The following PMFBP1 variants were observed in gnomAD, a reference collection of about 807,000 sequenced individuals.
The protein encoded by PMFBP1 is polyamine modulated factor 1 binding protein 1, also known as polyamine-modulated factor 1-binding protein 1.
PMFBP1 carries 131 observed loss-of-function variants against 137.8 expected under a neutral mutation model. The observed-to-expected ratio is 0.95, with a 90% CI of 0.82 to 1.10. The LOEUF (loss-of-function observed/expected upper bound fraction) is 1.10, where lower values mean the gene tolerates loss of function less well. PMFBP1 is among the 50% of genes least tolerant of loss of function. The probability of loss-of-function intolerance (pLI) is 0.00; values close to 1 mark genes in which losing one functional copy is unlikely to be tolerated. For synonymous variants in PMFBP1, 490 were observed against 450.4 expected (o/e 1.09, Z -1.11); for missense variants, 1,199 against 1,175.4 (o/e 1.02, Z -0.29).
At chr16:72,244,329 T>C in the PMFBP1 span, among the ~76,000 whole-genome samples, 43 of 152,308 alleles carry the variant, frequency 2.8e-4, no homozygotes, top group African/African-American at 1.0e-3. Flanking sequence ...AGAGGAAAGC[T>C]TCATTCCCAG....
In PMFBP1 at chr16:72,119,320, C is replaced by T; in HGVS notation, c.*18G>A. On this transcript the variant is annotated 3_prime_UTR_variant, in exon 21 of 21. Transcript: ENST00000237353. ...AAGAAACACCCGTGGAAATGCTGCT[C>T]AGGGCTAGATGTGGATTCTAGCAGT... is the stretch of plus-strand genomic sequence containing the variant. 1.2e-6 allele frequency: 2 copies of T among 1,612,716 alleles called. No homozygotes were observed. Among genetic ancestry groups the T allele is most frequent in the Non-Finnish European group, 1.7e-6 (2 of 1,178,742 alleles).
the PMFBP1 span, among the ~76,000 whole-genome samples, chr16:72,243,594 T>C: frequency 4.6e-5 from 7 of 152,312 alleles, no homozygotes; most frequent in African/African-American, 1.7e-4. Context: ...CCCCTCTTTT[T>C]GCCCCTCTTA....
chr16:72,135,763 T>G (rs1269803723), intron 9 of PMFBP1, among the ~76,000 whole-genome samples: 2 of 145,924 alleles, frequency 1.4e-5, no homozygotes, highest in Non-Finnish European at 3.0e-5. Context: ...TTTTTTTTTT[T>G]TGAGACAGGG....
chr16:72,152,360 C>T (rs1311871121), intron 4 of PMFBP1, among the ~76,000 whole-genome samples: 1 of 152,160 alleles, frequency 6.6e-6, no homozygotes, highest in African/African-American at 2.4e-5. Flanking sequence ...CTGGGGGCAG[C>T]AATGCACCTC....
chr16:72,124,751 G>C lies in PMFBP1; in HGVS notation c.2589+16C>G. On this transcript the variant is annotated intron_variant, in intron 17 of 20. Transcript: ENST00000237353. ...AGGCACTGAGAGGAGGCACGCAGAA[G>C]CCAAGGCATGCCCACCTCCTTATCG... The C allele has an allele frequency of 6.2e-7, 1 of 1,610,648 alleles. No homozygotes were observed. The highest frequency in any genetic ancestry group is 8.5e-7 in the Non-Finnish European group (1 of 1,177,842).
chr16:72,186,671 G>T, the PMFBP1 span, among the ~76,000 whole-genome samples: 4 of 152,196 alleles, frequency 2.6e-5, no homozygotes, highest in Non-Finnish European at 5.9e-5. Context: ...AGCTAGACAG[G>T]AGTTAGGAGA....
intron 15 of PMFBP1, 152 bp downstream of exon 15, chr16:72,125,816 G>A (rs931767897): frequency 2.0e-6 from 2 of 984,194 alleles, no homozygotes; most frequent in Non-Finnish European, 2.9e-6. Flanking sequence ...GAGGAAGCAG[G>A]CCTTCTCTGC....
At chr16:72,164,426 G>A (rs1567641435) in intron 3 of PMFBP1, 1 of 1,328,908 alleles carries the variant, frequency 7.5e-7, no homozygotes, top group Non-Finnish European at 9.8e-7. Flanking sequence ...GTTTGTCTGA[G>A]ATCCATAGCA....
In PMFBP1 at chr16:72,171,302, T is replaced by C. The variant is rs568680055; in HGVS notation, c.-60-34A>G. ...GTCCAAGTATTTAAGATGGAAAAAG[T>C]ATAAATGAGCCTCTGCCCTTTAAAG... On this transcript the variant is annotated intron_variant, in intron 1 of 20. Coordinates refer to ENST00000237353, the MANE Select transcript of PMFBP1 (RefSeq NM_031293.3). 2.8e-4 allele frequency: 388 copies of C among 1,384,750 alleles called. 25 individuals carry two copies. In the South Asian group the frequency reaches 4.5e-3, roughly 16 times the overall value. 85.8% of individuals were successfully genotyped at this position (1,384,750 alleles called of 1,614,324 possible).
At chr16:72,179,344 A>G (rs1218794295), upstream of PMFBP1, among the ~76,000 whole-genome samples, 2 of 152,200 alleles carry the variant, frequency 1.3e-5, no homozygotes, top group East Asian at 3.8e-4. Flanking sequence ...AATTTCCACA[A>G]GAGCAACATT....
chr16:72,121,471 T>G (rs1452160264), intron 19 of PMFBP1, among the ~76,000 whole-genome samples: 1 of 152,206 alleles, frequency 6.6e-6, no homozygotes, highest in Non-Finnish European at 1.5e-5. Flanking sequence ...AACTCAGCCA[T>G]GTACCTAAGG....
chr16:72,207,421 C>A, the PMFBP1 span, among the ~76,000 whole-genome samples: 2 of 152,036 alleles, frequency 1.3e-5, no homozygotes, highest in African/African-American at 4.8e-5. Context: ...AATATTCAGA[C>A]CCACTGAATT....
intron 2 of PMFBP1, among the ~76,000 whole-genome samples, chr16:72,165,948 G>C (rs1479368685): frequency 1.3e-5 from 2 of 152,148 alleles, no homozygotes; most frequent in Non-Finnish European, 1.5e-5. Context: ...ATCACTCCAG[G>C]ATGCCACCTC....
At chr16:72,214,860 G>C in the PMFBP1 span, among the ~76,000 whole-genome samples, 3 of 151,960 alleles carry the variant, frequency 2.0e-5, no homozygotes, top group Admixed American at 6.6e-5. Flanking sequence ...GTATCTAAAA[G>C]GTTCAAAAAG....
At chr16:72,248,413 A>T in the PMFBP1 span, among the ~76,000 whole-genome samples, 1 of 152,346 alleles carries the variant, frequency 6.6e-6, no homozygotes, top group South Asian at 2.1e-4. Flanking sequence ...CAAAGCAATG[A>T]TATGGACCTG....
At chr16:72,147,743 T>C (rs1008638338) in intron 5 of PMFBP1, among the ~76,000 whole-genome samples, 1 of 152,026 alleles carries the variant, frequency 6.6e-6, no homozygotes, top group Admixed American at 6.6e-5. Context: ...AAGAAGACAT[T>C]TATGCAGCCA....
At chr16:72,248,764 G>A in the PMFBP1 span, among the ~76,000 whole-genome samples, 1 of 152,084 alleles carries the variant, frequency 6.6e-6, no homozygotes, top group Admixed American at 6.5e-5. Context: ...ATGAAGTTGA[G>A]AATTTTCAGC....
chr16:72,152,397 C>G (rs1445728969), intron 4 of PMFBP1, among the ~76,000 whole-genome samples: 1 of 152,160 alleles, frequency 6.6e-6, no homozygotes, highest in Admixed American at 6.5e-5. Context: ...CCTAGGCTTC[C>G]TAGAAACTAG....
chr16:72,248,150 C>G, the PMFBP1 span, among the ~76,000 whole-genome samples: 2 of 152,054 alleles, frequency 1.3e-5, no homozygotes, highest in African/African-American at 4.8e-5. Context: ...TGGGAGAAAG[C>G]CATAAAAACA....
Sources: allele counts gnomAD v4.1 joint callset (sites outside exome capture counted in the v4.1 genomes callset), GRCh38; gene constraint gnomAD v4.1.1; transcripts MANE v1.5; gene names NCBI Gene and HGNC (gene_info 2026-07-23, HGNC 2026-07-21).